CHIC1: variants seen among roughly 807,000 people sequenced by gnomAD.
CHIC1 encodes cysteine-rich hydrophobic domain-containing protein 1.
Under a neutral mutation model 18.5 loss-of-function variants are expected in CHIC1, and 7 were observed. That is an observed-to-expected ratio of 0.38 (90% CI 0.22 to 0.71). The LOEUF is 0.71. CHIC1 is among the 30% of genes least tolerant of loss of function. CHIC1 has a pLI of 0.49. For synonymous variants in CHIC1, 77 were observed against 73.5 expected, an observed-to-expected ratio of 1.05 and a Z score of -0.25; for missense variants, 159 against 176.9, an observed-to-expected ratio of 0.90 and a Z score of 0.57.
At position 73,563,320 on chromosome X, in the gene CHIC1, C is replaced by A; in HGVS notation, c.36C>A (p.Asp12Glu). ...TGCTGCCCAACATGGCGGAGTTCGA[C>A]ACCATCTCGGAACTGGAGGAGGAGG... Reference protein sequence around the residue: ...SILLPNMAEFDTISELEEEEE... With the variant: ...SILLPNMAEFETISELEEEEE... The change falls in exon 1 of 6, where the codon GAC becomes GAA. Residue 12 changes from aspartate to glutamate, a missense_variant. Asp to Glu is a conservative substitution (Grantham distance 45, BLOSUM62 2). Transcript: ENST00000373502. 8.8e-7 allele frequency: 1 copy of A among 1,139,669 alleles called. No homozygotes were observed. The highest frequency in any genetic ancestry group is 1.2e-6 in the Non-Finnish European group (1 of 858,548). The allele number at this position is 1,139,669 out of a possible 1,213,427, so 93.9% of individuals were successfully genotyped here.
intron 3 of CHIC1, among the ~76,000 whole-genome samples, chrX:73,616,651 C>T (rs1407957417): frequency 1.8e-5 from 2 of 111,648 alleles, no homozygotes; most frequent in Admixed American, 9.4e-5. Context: ...GACTCTTGTG[C>T]ACGCACAGGA....
At chrX:73,601,124 C>T (rs1275681114) in intron 3 of CHIC1, among the ~76,000 whole-genome samples, 2 of 106,177 alleles carry the variant, frequency 1.9e-5, no homozygotes, top group South Asian at 8.2e-4. Flanking sequence ...GACTTTAACA[C>T]CCCACTGTCA....
chrX:73,571,828 G>A (rs778159367), intron 1 of CHIC1, among the ~76,000 whole-genome samples: 1 of 110,852 alleles, frequency 9.0e-6, no homozygotes, highest in Non-Finnish European at 1.9e-5. Context: ...TTTATGTACA[G>A]GTATGTATCT....
intron 3 of CHIC1, among the ~76,000 whole-genome samples, chrX:73,678,842 A>G (rs961091101): frequency 2.7e-5 from 3 of 111,484 alleles, no homozygotes; most frequent in Non-Finnish European, 5.6e-5. Context: ...CAGCCTATAG[A>G]CCTTGACTGA....
chrX:73,598,857 T>A (rs1034678641), intron 3 of CHIC1, among the ~76,000 whole-genome samples: 2 of 109,875 alleles, frequency 1.8e-5, no homozygotes, highest in African/African-American at 6.6e-5. Context: ...AGTAATGGGA[T>A]GGCTGGGTCA....
At chrX:73,676,100 T>A (rs1159311411) in intron 3 of CHIC1, among the ~76,000 whole-genome samples, 6 of 111,308 alleles carry the variant, frequency 5.4e-5, no homozygotes, top group Non-Finnish European at 9.5e-5. Context: ...CCGAGAGATC[T>A]GCTGTTAGTC....
chrX:73,616,157 G>C (rs929837623), intron 3 of CHIC1, among the ~76,000 whole-genome samples: 1 of 110,888 alleles, frequency 9.0e-6, no homozygotes, highest in Non-Finnish European at 1.9e-5. Flanking sequence ...TAGGACTTGT[G>C]GGGGCATGGG....
At chrX:73,665,280 G>A (rs1465567940) in intron 3 of CHIC1, among the ~76,000 whole-genome samples, 1 of 110,773 alleles carries the variant, frequency 9.0e-6, no homozygotes, top group Non-Finnish European at 1.9e-5. Flanking sequence ...CCCCTTTTAG[G>A]CTCTTCTGTG....
intron 3 of CHIC1, among the ~76,000 whole-genome samples, chrX:73,677,458 C>G (rs2058072281): frequency 8.9e-6 from 1 of 111,809 alleles, no homozygotes; most frequent in African/African-American, 3.2e-5. Flanking sequence ...CTCCCCCAGC[C>G]TCACTGCCAC....
At chrX:73,592,783 G>A (rs2057588494) in intron 3 of CHIC1, among the ~76,000 whole-genome samples, 1 of 110,520 alleles carries the variant, frequency 9.0e-6, no homozygotes, top group East Asian at 2.9e-4. Flanking sequence ...ATTGGTATTA[G>A]CTCTTCTTCG....
At chrX:73,594,084 AG>A (rs908130620) in intron 3 of CHIC1, among the ~76,000 whole-genome samples, 16 of 109,608 alleles carry the variant, frequency 1.5e-4, no homozygotes, top group African/African-American at 5.0e-4. Flanking sequence ...TTTATTTTAT[AG>A]GGGTTTTTTT....
At chrX:73,583,695 G>C (rs1482381981) in intron 2 of CHIC1, among the ~76,000 whole-genome samples, 1 of 111,367 alleles carries the variant, frequency 9.0e-6, no homozygotes, top group Non-Finnish European at 1.9e-5. Flanking sequence ...GCATGCCTTT[G>C]AACTGACTTT....
intron 3 of CHIC1, among the ~76,000 whole-genome samples, chrX:73,632,917 C>T (rs748038201): frequency 4.7e-5 from 5 of 107,414 alleles, no homozygotes; most frequent in Non-Finnish European, 9.6e-5. Flanking sequence ...TACAGGCGCC[C>T]ACCACCACGC....
chrX:73,662,394 A>C (rs2147619189), intron 3 of CHIC1, among the ~76,000 whole-genome samples: 1 of 104,872 alleles, frequency 9.5e-6, no homozygotes, highest in South Asian at 4.6e-4. Flanking sequence ...TGTCCTGTTA[A>C]CCCTATTGGG....
chrX:73,643,889 A>G (rs1337323562), intron 3 of CHIC1, among the ~76,000 whole-genome samples: 1 of 112,134 alleles, frequency 8.9e-6, no homozygotes, highest in African/African-American at 3.2e-5. Flanking sequence ...TTCTCCGTCC[A>G]TCTTTGTTCC....
intron 3 of CHIC1, among the ~76,000 whole-genome samples, chrX:73,602,043 A>G (rs2057653609): frequency 9.5e-6 from 1 of 104,938 alleles, no homozygotes; most frequent in Admixed American, 1.0e-4. Context: ...TGAATAGACC[A>G]GTAACAGGTT....
intron 3 of CHIC1, among the ~76,000 whole-genome samples, chrX:73,596,349 T>G (rs1267244507): frequency 9.0e-6 from 1 of 111,160 alleles, no homozygotes; most frequent in Non-Finnish European, 1.9e-5. Flanking sequence ...TAGTGAGAGC[T>G]ACAAACCACT....
At chrX:73,647,179 C>T (rs1210041085) in intron 3 of CHIC1, among the ~76,000 whole-genome samples, 2 of 111,979 alleles carry the variant, frequency 1.8e-5, no homozygotes, top group African/African-American at 6.5e-5. Context: ...GTGCAACCCA[C>T]GTATTGGAAG....
intron 3 of CHIC1, among the ~76,000 whole-genome samples, chrX:73,663,568 A>G (rs2057990978): frequency 1.8e-5 from 2 of 110,866 alleles, no homozygotes; most frequent in South Asian, 7.8e-4. Flanking sequence ...CCTGACGCTG[A>G]CAATTTTTTG....
Sources: gnomAD v4.1 joint callset for allele counts (sites outside exome capture counted in the v4.1 genomes callset) on GRCh38, gnomAD v4.1.1 for gene constraint, MANE v1.5 for transcripts, NCBI Gene and HGNC (gene_info 2026-07-23, HGNC 2026-07-21) for gene names.